Variants in UBE2W observed in about 807,000 individuals in gnomAD.
UBE2W encodes ubiquitin-conjugating enzyme E2 W.
A neutral mutation model predicts 27.2 loss-of-function variants in UBE2W; 18 were observed. The observed-to-expected ratio is 0.66, with a 90% CI of 0.46 to 0.98. UBE2W has a LOEUF of 0.98. Ranked by LOEUF, UBE2W falls within the 50% of genes least tolerant of loss-of-function variation. The pLI, the probability that UBE2W is intolerant of heterozygous loss-of-function variation, is 0.00. For synonymous variants in UBE2W, 53 were observed against 57.2 expected, an observed-to-expected ratio of 0.93 and a Z score of 0.33; for missense variants, 90 against 180.2, an observed-to-expected ratio of 0.50 and a Z score of 2.87.
intron 3 of UBE2W, among the ~76,000 whole-genome samples, chr8:73,815,730 G>A (rs1809358017): frequency 6.6e-6 from 1 of 152,184 alleles, no homozygotes; most frequent in South Asian, 2.1e-4. Context: ...CTAACATGGT[G>A]TCAAGCTAGG....
In UBE2W at chr8:73,825,212, A is replaced by G; in HGVS notation, c.145T>C (p.Tyr49His). The G allele has an allele frequency of 6.4e-7, 1 of 1,563,708 alleles. No homozygotes were observed. The highest frequency in any genetic ancestry group is 8.7e-7 in the Non-Finnish European group (1 of 1,152,562). The change falls in exon 3 of 6, where the codon TAT becomes CAT. Residue 49 changes from tyrosine to histidine, a missense_variant. Physicochemically the swap from Tyr to His is moderately conservative, Grantham distance 83 (BLOSUM62 2). Transcript: ENST00000602593. ...VDMEGAPGTL[Y>H]EGEKFQLLFK... The stretch of plus-strand genomic sequence containing the variant: ...AGAAGTTGAAATTTTTCCCCTTCAT[A>G]TAAGGTACCTGGTGCACCTTCCATG...
At chr8:73,871,916 AG>A (rs1300529037) in intron 1 of UBE2W, among the ~76,000 whole-genome samples, 1 of 152,036 alleles carries the variant, frequency 6.6e-6, no homozygotes, top group African/African-American at 2.4e-5. Flanking sequence ...TTTTTGAGAC[AG>A]GGTCTCACTC....
chr8:73,825,362 A>T (rs545532948), intron 2 of UBE2W, 113 bp from the exon 3 acceptor site: 4 of 667,834 alleles, frequency 6.0e-6, no homozygotes, highest in Non-Finnish European at 1.0e-5. Flanking sequence ...AGAGTTGGTT[A>T]TGTGTAACAG....
chr8:73,810,397 A>G (rs1161150517), intron 4 of UBE2W, 77 bp downstream of exon 4: 4 of 1,345,010 alleles, frequency 3.0e-6, no homozygotes, highest in Non-Finnish European at 3.0e-6. Context: ...CCAAATAAAA[A>G]TAATTACATA....
rs535082527 is a variant in UBE2W at position 73,878,840 on chromosome 8, A to G, written c.-18T>C. On this transcript the variant is annotated 5_prime_UTR_variant, in exon 1 of 6. Transcript: ENST00000602593. ...GACGCCATGATGGAACCATCCCCCCAAGACCGGCGAGGCCAGAGACGCAGG... is the reference window on the plus strand; with the variant it reads ...GACGCCATGATGGAACCATCCCCCCGAGACCGGCGAGGCCAGAGACGCAGG... 6.5e-7 allele frequency: 1 copy of G among 1,548,946 alleles called. No homozygotes were observed. The highest frequency in any genetic ancestry group is 8.7e-7 in the Non-Finnish European group (1 of 1,145,584).
intron 1 of UBE2W, among the ~76,000 whole-genome samples, chr8:73,871,355 A>C (rs758877540): frequency 6.6e-6 from 1 of 152,256 alleles, no homozygotes; most frequent in African/African-American, 2.4e-5. Flanking sequence ...AGTTTGGGTA[A>C]GATAAATACA....
intron 1 of UBE2W, among the ~76,000 whole-genome samples, chr8:73,874,447 T>C (rs1270026735): frequency 1.3e-5 from 2 of 151,796 alleles, no homozygotes; most frequent in African/African-American, 4.8e-5. Flanking sequence ...TAAAATAAAA[T>C]AAAATTTTAA....
At position 73,786,855 on chromosome 8, in the gene UBE2W, G is replaced by A; in HGVS notation, c.*7247C>T. ...TATCATTGCTTGATTAAGTTGGATGGGAATGTCATTAAATTATAACAGGAT... is the reference window on the plus strand; with the variant it reads ...TATCATTGCTTGATTAAGTTGGATGAGAATGTCATTAAATTATAACAGGAT... On this transcript the variant is annotated 3_prime_UTR_variant, in exon 6 of 6. Transcript: ENST00000602593. 1 of 985,268 alleles carries A rather than the reference G, an allele frequency of 1.0e-6. No homozygotes were observed. The highest frequency in any genetic ancestry group is 1.2e-6 in the Non-Finnish European group (1 of 829,898). The allele number at this position is 985,268 out of a possible 1,614,324, so 61.0% of individuals were successfully genotyped here. A position where few individuals can be genotyped will look rare whatever the true frequency, so the allele number is the denominator to read the frequency against.
chr8:73,849,452 T>C (rs1360201976), intron 1 of UBE2W, among the ~76,000 whole-genome samples: 2 of 129,100 alleles, frequency 1.5e-5, no homozygotes, highest in African/African-American at 6.0e-5. Flanking sequence ...GTGGAGATTG[T>C]AGTGAGCCAA....
chr8:73,831,040 G>A (rs566557178), intron 1 of UBE2W: 5 of 195,924 alleles, frequency 2.6e-5, no homozygotes, highest in Non-Finnish European at 3.1e-5. Flanking sequence ...CATCTGGAAC[G>A]GAACATGGAA....
intron 1 of UBE2W, among the ~76,000 whole-genome samples, chr8:73,875,233 T>C (rs572444439): frequency 1.3e-5 from 2 of 152,080 alleles, no homozygotes; most frequent in African/African-American, 4.8e-5. Flanking sequence ...TATTAGGGAG[T>C]AGAGCGTCCC....
In UBE2W at chr8:73,792,192, T is replaced by G; in HGVS notation, c.*1910A>C. The G allele has an allele frequency of 1.0e-6, 1 of 985,640 alleles. No homozygotes were observed. The highest frequency in any genetic ancestry group is 4.7e-5 in the South Asian group (1 of 21,294). 61.1% of individuals were successfully genotyped at this position (985,640 alleles called of 1,614,324 possible). On this transcript the variant is annotated 3_prime_UTR_variant, in exon 6 of 6. Transcript: ENST00000602593. ...ATGAGTAATTCAAAGACTTTCTGTC[T>G]TGGTTAAACAGGCCAACTAATAAAA...
chr8:73,878,667 C>A (rs796644888), intron 1 of UBE2W, 141 bp downstream of exon 1: 2 of 731,260 alleles, frequency 2.7e-6, no homozygotes, highest in African/African-American at 1.8e-5. Flanking sequence ...CCCCGACGCC[C>A]TGAGCTGAGG....
At chr8:73,827,851 G>C (rs1053836682) in intron 2 of UBE2W, among the ~76,000 whole-genome samples, 1 of 152,026 alleles carries the variant, frequency 6.6e-6, no homozygotes, top group Non-Finnish European at 1.5e-5. Context: ...GGACTAATAA[G>C]TTTGTATTAG....
At chr8:73,834,244 G>A (rs1810214417) in intron 1 of UBE2W, among the ~76,000 whole-genome samples, 1 of 152,176 alleles carries the variant, frequency 6.6e-6, no homozygotes, top group Non-Finnish European at 1.5e-5. Context: ...ACTGTGTTGT[G>A]AATCACTGTA....
chr8:73,811,832 C>T (rs1242505627), intron 3 of UBE2W, among the ~76,000 whole-genome samples: 1 of 152,044 alleles, frequency 6.6e-6, no homozygotes, highest in East Asian at 1.9e-4. Context: ...TTGCTTTAGG[C>T]ATACCCTTTT....
At chr8:73,840,881 T>G (rs913993789) in intron 1 of UBE2W, among the ~76,000 whole-genome samples, 2 of 152,054 alleles carry the variant, frequency 1.3e-5, no homozygotes, top group Non-Finnish European at 2.9e-5. Context: ...TAAAGCAAAT[T>G]AAGGGGATGG....
At chr8:73,864,885 A>G (rs1811684132) in intron 1 of UBE2W, among the ~76,000 whole-genome samples, 1 of 151,922 alleles carries the variant, frequency 6.6e-6, no homozygotes, top group Non-Finnish European at 1.5e-5. Flanking sequence ...TACACGAATG[A>G]GCCACCATGC....
chr8:73,827,375 G>A (rs570846831), intron 2 of UBE2W, among the ~76,000 whole-genome samples: 4 of 151,978 alleles, frequency 2.6e-5, no homozygotes, highest in East Asian at 3.9e-4. Context: ...CACCACACCC[G>A]GCTAATTTTT....
Sources: allele counts gnomAD v4.1 joint callset (sites outside exome capture counted in the v4.1 genomes callset), GRCh38; gene constraint gnomAD v4.1.1; transcripts MANE v1.5; gene names NCBI Gene and HGNC (gene_info 2026-07-23, HGNC 2026-07-21).